Variants in RAD51B observed in about 807,000 individuals in gnomAD.
The protein encoded by RAD51B is DNA repair protein RAD51 homolog 2.
RAD51B carries 38 observed loss-of-function variants against 42.2 expected under a neutral mutation model. The ratio of observed to expected loss-of-function variants is 0.90; its 90% CI spans 0.70 to 1.18. RAD51B has a LOEUF of 1.18. RAD51B is among the 50% of genes most tolerant of loss of function. The probability of loss-of-function intolerance (pLI) is 0.00; values close to 1 mark genes in which losing one functional copy is unlikely to be tolerated. For synonymous variants in RAD51B, 154 were observed against 145.2 expected, an observed-to-expected ratio of 1.06 and a Z score of -0.43; for missense variants, 373 against 400.7, an observed-to-expected ratio of 0.93 and a Z score of 0.59.
chr14:68,463,654 T>G (rs766632264), intron 9 of RAD51B, among the ~76,000 whole-genome samples: 1 of 152,144 alleles, frequency 6.6e-6, no homozygotes, highest in Non-Finnish European at 1.5e-5. Flanking sequence ...TAGTATATAC[T>G]AGTATATAAT....
At chr14:68,422,030 A>C (rs1019714488) in intron 9 of RAD51B, 5 of 1,535,398 alleles carry the variant, frequency 3.3e-6, no homozygotes, top group African/African-American at 2.7e-5. Context: ...CCCTGGAATA[A>C]TTCTGTGAAA....
chr14:68,130,592 C>A (rs2077867095), intron 7 of RAD51B, among the ~76,000 whole-genome samples: 1 of 152,316 alleles, frequency 6.6e-6, no homozygotes, highest in Non-Finnish European at 1.5e-5. Context: ...GAAATTCAAA[C>A]AAAATGTCTA....
intron 8 of RAD51B, among the ~76,000 whole-genome samples, chr14:68,307,440 T>G (rs1395147321): frequency 1.3e-5 from 2 of 152,210 alleles, no homozygotes; most frequent in Non-Finnish European, 2.9e-5. Context: ...TAATATCTCC[T>G]GAATTGAATT....
intron 7 of RAD51B, among the ~76,000 whole-genome samples, chr14:68,095,674 T>C (rs2077179879): frequency 6.6e-6 from 1 of 151,958 alleles, no homozygotes; most frequent in African/African-American, 2.4e-5. Context: ...CTGCATATTC[T>C]AGATAAAACA....
At chr14:68,622,437 C>T (rs1407384088) in intron 10 of RAD51B, among the ~76,000 whole-genome samples, 4 of 152,020 alleles carry the variant, frequency 2.6e-5, no homozygotes, top group Non-Finnish European at 4.4e-5. Flanking sequence ...GTAATTAAAG[C>T]GGGAGGCTGT....
At chr14:67,928,024 T>C (rs1432653930) in intron 7 of RAD51B, among the ~76,000 whole-genome samples, 2 of 152,108 alleles carry the variant, frequency 1.3e-5, no homozygotes, top group African/African-American at 4.8e-5. Context: ...TAGAATGAGT[T>C]AGGGAGAATT....
intron 8 of RAD51B, among the ~76,000 whole-genome samples, chr14:68,300,601 A>C (rs1012460902): frequency 6.6e-6 from 1 of 152,240 alleles, no homozygotes; most frequent in Non-Finnish European, 1.5e-5. Flanking sequence ...AAATGTAAAA[A>C]TATTTTCTTT....
intron 7 of RAD51B, among the ~76,000 whole-genome samples, chr14:68,167,988 T>C (rs2078787711): frequency 6.6e-6 from 1 of 152,092 alleles, no homozygotes; most frequent in Non-Finnish European, 1.5e-5. Context: ...GAAGAATAAC[T>C]CGCTATTCTT....
chr14:67,923,298 C>CTTTTTTTTT (rs34809964), intron 7 of RAD51B, among the ~76,000 whole-genome samples: 16 of 123,656 alleles, frequency 1.3e-4, no homozygotes, highest in African/African-American at 4.9e-4. Context: ...TTTTCTTTTT[C>CTTTTTTTTT]TTTTTTTTTT....
At chr14:67,920,088 A>C (rs2044273733) in intron 7 of RAD51B, among the ~76,000 whole-genome samples, 1 of 152,270 alleles carries the variant, frequency 6.6e-6, no homozygotes, top group Admixed American at 6.5e-5. Flanking sequence ...GTATGGTGCT[A>C]TCATGTTTAT....
chr14:68,394,557 A>G (rs2083857388), intron 8 of RAD51B, among the ~76,000 whole-genome samples: 1 of 152,182 alleles, frequency 6.6e-6, no homozygotes, highest in African/African-American at 2.4e-5. Flanking sequence ...AAATAATATA[A>G]GGTTTCCTTG....
chr14:68,261,365 T>A (rs555681677), intron 7 of RAD51B, among the ~76,000 whole-genome samples: 2 of 152,232 alleles, frequency 1.3e-5, no homozygotes, highest in Non-Finnish European at 2.9e-5. Flanking sequence ...GAGCTGTCTG[T>A]CTTTTCATGT....
intron 8 of RAD51B, among the ~76,000 whole-genome samples, chr14:68,314,035 A>G (rs990252545): frequency 7.2e-5 from 11 of 152,110 alleles, no homozygotes; most frequent in Non-Finnish European, 1.6e-4. Flanking sequence ...CTAGCTTCCT[A>G]TTAAGAATTC....
intron 10 of RAD51B, among the ~76,000 whole-genome samples, chr14:68,644,836 A>G (rs1379479984): frequency 6.6e-6 from 1 of 152,196 alleles, no homozygotes; most frequent in Non-Finnish European, 1.5e-5. Flanking sequence ...TATATAAAGA[A>G]GAGAATAAAA....
chr14:67,822,934 T>G (rs1160254901), intron 1 of RAD51B, among the ~76,000 whole-genome samples: 2 of 152,208 alleles, frequency 1.3e-5, no homozygotes, highest in African/African-American at 4.8e-5. Flanking sequence ...ATTTATGTTT[T>G]CTGGTGACAA....
chr14:68,294,796 A>G (rs1013148149), intron 8 of RAD51B, among the ~76,000 whole-genome samples: 2 of 152,192 alleles, frequency 1.3e-5, no homozygotes, highest in African/African-American at 4.8e-5. Flanking sequence ...AAATCTTAGC[A>G]CTGATACTTC....
At chr14:68,021,049 A>T (rs1421959172) in intron 7 of RAD51B, among the ~76,000 whole-genome samples, 1 of 152,222 alleles carries the variant, frequency 6.6e-6, no homozygotes, top group African/African-American at 2.4e-5. Flanking sequence ...AAATAACCAG[A>T]TGATGGAAAC....
intron 7 of RAD51B, among the ~76,000 whole-genome samples, chr14:68,072,171 T>A (rs1195553299): frequency 7.2e-6 from 1 of 138,476 alleles, no homozygotes; most frequent in Non-Finnish European, 1.5e-5. Flanking sequence ...TTTCTAGGTT[T>A]TATATATATA....
At chr14:67,989,635 C>CAA (rs764608072) in intron 7 of RAD51B, among the ~76,000 whole-genome samples, 4,477 of 66,176 alleles carry the variant, frequency 0.068, 406 homozygotes, top group African/African-American at 0.2. Flanking sequence ...AACTCTGTCT[C>CAA]AAAAAAAAAA....
Sources: allele counts gnomAD v4.1 joint callset (sites outside exome capture counted in the v4.1 genomes callset), GRCh38; gene constraint gnomAD v4.1.1; transcripts MANE v1.5; gene names NCBI Gene and HGNC (gene_info 2026-07-23, HGNC 2026-07-21).